Variants in ADCY5 observed in about 807,000 individuals in gnomAD.
The protein encoded by ADCY5 is adenylate cyclase 5, also known as adenylate cyclase type 5.
ADCY5 carries 30 observed loss-of-function variants against 119.7 expected under a neutral mutation model. That is an observed-to-expected ratio of 0.25 (90% CI 0.19 to 0.34). The LOEUF is 0.34. ADCY5 is among the 10% of genes least tolerant of loss of function. ADCY5 has a pLI of 1.00. For missense variants in ADCY5, 1,324 were observed against 1,775.2 expected (o/e 0.75, Z 4.57); for synonymous variants, 753 against 762.2 (o/e 0.99, Z 0.20).
At chr3:123,324,404 C>CCACACACACACACA (rs10522987) in intron 8 of ADCY5, among the ~76,000 whole-genome samples, 1 of 109,608 alleles carries the variant, frequency 9.1e-6, no homozygotes, top group Non-Finnish European at 1.9e-5. Flanking sequence ...CACACAGAAA[C>CCACACACACACACA]CACACACACA....
chr3:123,331,482 G>T (rs942219416), intron 4 of ADCY5, among the ~76,000 whole-genome samples: 25 of 152,204 alleles, frequency 1.6e-4, no homozygotes, highest in African/African-American at 6.0e-4. Context: ...AAAGACTGAA[G>T]CAGGCAGAAA....
intron 1 of ADCY5, among the ~76,000 whole-genome samples, chr3:123,396,050 G>GAGAGAGGGAGGGAGAA (rs1944546097): frequency 3.0e-5 from 1 of 32,958 alleles, no homozygotes; most frequent in African/African-American, 1.2e-4. Context: ...GGGAGGGAGA[G>GAGAGAGGGAGGGAGAA]AGGGAGGGAG....
intron 1 of ADCY5, among the ~76,000 whole-genome samples, chr3:123,440,563 C>T (rs942425289): frequency 4.6e-5 from 7 of 151,972 alleles, no homozygotes; most frequent in African/African-American, 1.5e-4. Context: ...CCAATCTCCT[C>T]TTCCTTTCTT....
At chr3:123,371,089 C>T (rs1486706826) in intron 1 of ADCY5, among the ~76,000 whole-genome samples, 1 of 152,172 alleles carries the variant, frequency 6.6e-6, no homozygotes, top group African/African-American at 2.4e-5. Context: ...CCAGACTCTG[C>T]ACGGTAACAA....
At chr3:123,322,693 A>T (rs1941286311) in intron 8 of ADCY5, among the ~76,000 whole-genome samples, 1 of 152,182 alleles carries the variant, frequency 6.6e-6, no homozygotes, top group South Asian at 2.1e-4. Context: ...GTTTGGTGAG[A>T]GGAGCTCAAG....
At chr3:123,368,333 C>T (rs58728280) in intron 1 of ADCY5, among the ~76,000 whole-genome samples, 3,080 of 152,280 alleles carry the variant, frequency 0.02, 114 homozygotes, top group African/African-American at 0.071. Context: ...TGGTGGCTCA[C>T]GCCTGTAATC....
intron 1 of ADCY5, among the ~76,000 whole-genome samples, chr3:123,358,190 G>GTGTGTGTT (rs1241540478): frequency 8.6e-6 from 1 of 116,208 alleles, no homozygotes; most frequent in Non-Finnish European, 2.0e-5. Flanking sequence ...GTGTGTGTGT[G>GTGTGTGTT]TGTGTAGGGA....
At chr3:123,324,404 CCACACACA>C (rs10522987) in intron 8 of ADCY5, among the ~76,000 whole-genome samples, 8,037 of 109,164 alleles carry the variant, frequency 0.074, 345 homozygotes, top group Non-Finnish European at 0.086. Flanking sequence ...CACACAGAAA[CCACACACA>C]CACACACACA....
chr3:123,415,348 C>A (rs1242574384), intron 1 of ADCY5, among the ~76,000 whole-genome samples: 2 of 152,164 alleles, frequency 1.3e-5, no homozygotes, highest in Admixed American at 6.5e-5. Flanking sequence ...ACTAGTACCA[C>A]CTCCACGCCA....
chr3:123,353,213 C>A (rs1032713220), intron 1 of ADCY5, among the ~76,000 whole-genome samples: 2 of 149,932 alleles, frequency 1.3e-5, no homozygotes, highest in African/African-American at 5.1e-5. Context: ...CCTGCCATTT[C>A]CCCCGCTCCC....
chr3:123,326,791 TCTGATGTC>T (rs1308033362), intron 7 of ADCY5, among the ~76,000 whole-genome samples: 2 of 46,292 alleles, frequency 4.3e-5, no homozygotes, highest in Non-Finnish European at 1.8e-4. Context: ...AAGGTGTCCC[TCTGATGTC>T]CCTCTTGGCA....
intron 2 of ADCY5, among the ~76,000 whole-genome samples, chr3:123,350,201 T>C (rs1452858388): frequency 6.6e-6 from 1 of 152,212 alleles, no homozygotes. Context: ...GCTGCTGGCA[T>C]CCCCTCCCCC....
At chr3:123,360,120 C>T (rs1576621737) in intron 1 of ADCY5, among the ~76,000 whole-genome samples, 2 of 151,490 alleles carry the variant, frequency 1.3e-5, no homozygotes, top group Admixed American at 1.3e-4. Flanking sequence ...ATGAGTGACA[C>T]CTCTAAAATT....
intron 1 of ADCY5, among the ~76,000 whole-genome samples, chr3:123,390,900 G>C (rs1012792642): frequency 6.6e-5 from 10 of 152,238 alleles, no homozygotes; most frequent in African/African-American, 2.4e-4. Context: ...GCTATAAAGA[G>C]AGACACGTGG....
chr3:123,412,867 T>C (rs570886529), intron 1 of ADCY5, among the ~76,000 whole-genome samples: 13 of 150,336 alleles, frequency 8.6e-5, no homozygotes, highest in Non-Finnish European at 1.8e-4. Context: ...ATGACTGCCC[T>C]AAATAGCCCC....
intron 1 of ADCY5, among the ~76,000 whole-genome samples, chr3:123,426,415 C>T (rs997112930): frequency 3.3e-5 from 5 of 151,912 alleles, no homozygotes; most frequent in African/African-American, 1.2e-4. Flanking sequence ...CCTCCCCCTC[C>T]TGGGTTCCAG....
At chr3:123,373,769 C>CA (rs1428537059) in intron 1 of ADCY5, among the ~76,000 whole-genome samples, 4 of 38,810 alleles carry the variant, frequency 1.0e-4, no homozygotes, top group Admixed American at 2.8e-4. Flanking sequence ...CCCCCCCCCC[C>CA]CCGACCCCCC....
At chr3:123,319,647 G>A (rs772672405) in intron 10 of ADCY5, 27 bp downstream of exon 10, 4 of 1,610,732 alleles carry the variant, frequency 2.5e-6, no homozygotes, top group Non-Finnish European at 3.4e-6. Flanking sequence ...CAGCACAGGG[G>A]CCTCCTTCCC....
At chr3:123,349,376 G>A (rs543809192) in intron 2 of ADCY5, among the ~76,000 whole-genome samples, 1 of 152,258 alleles carries the variant, frequency 6.6e-6, no homozygotes, top group Admixed American at 6.5e-5. Context: ...TGCTCATCTG[G>A]AAACAGCTCT....
Sources: allele counts gnomAD v4.1 joint callset (sites outside exome capture counted in the v4.1 genomes callset), GRCh38; gene constraint gnomAD v4.1.1; transcripts MANE v1.5; gene names NCBI Gene and HGNC (gene_info 2026-07-23, HGNC 2026-07-21).